FBN2: variants seen among roughly 807,000 people sequenced by gnomAD.
The protein encoded by FBN2 is fibrillin 2.
In FBN2, 105 loss-of-function variants were observed where a neutral mutation model predicts 355.6. The observed-to-expected ratio is 0.30, with a 90% CI of 0.25 to 0.35. FBN2 has a LOEUF of 0.35. FBN2 is among the 10% of genes least tolerant of loss of function. FBN2 has a pLI of 1.00. For synonymous variants in FBN2, 1,350 were observed against 1,301.2 expected, an observed-to-expected ratio of 1.04 and a Z score of -0.81; for missense variants, 3,280 against 3,758.7, an observed-to-expected ratio of 0.87 and a Z score of 3.33.
intron 6 of FBN2, among the ~76,000 whole-genome samples, chr5:128,446,867 G>A (rs1754079355): frequency 6.6e-6 from 1 of 152,142 alleles, no homozygotes; most frequent in Admixed American, 6.5e-5. Flanking sequence ...GGAAGTCAGG[G>A]ACCCCGAACG....
intron 7 of FBN2, among the ~76,000 whole-genome samples, chr5:128,439,481 A>G (rs1229563904): frequency 6.6e-6 from 1 of 152,164 alleles, no homozygotes; most frequent in Non-Finnish European, 1.5e-5. Flanking sequence ...CTCTTATTCT[A>G]AATACACTCT....
intron 48 of FBN2, among the ~76,000 whole-genome samples, chr5:128,299,455 T>C (rs1480436016): frequency 1.4e-5 from 2 of 145,296 alleles, no homozygotes; most frequent in African/African-American, 5.2e-5. Flanking sequence ...CTCAGACTGC[T>C]GTGCTAGCAA....
At position 128,335,944 on chromosome 5, in the gene FBN2, G is replaced by A. The variant is rs1389389240; in HGVS notation, c.3724+44C>T. ...TCAGCGCCAAAAGTTTTCCTAGGCT[G>A]ATTTGAGACATATGAGTTTCAGGCC... On this transcript the variant is annotated intron_variant, in intron 28 of 64. Coordinates refer to ENST00000262464, the MANE Select transcript of FBN2 (RefSeq NM_001999.4). 6 of 1,609,444 alleles carry A rather than the reference G, an allele frequency of 3.7e-6. No individual in the cohort carries two copies. In the African/African-American group the frequency reaches 6.7e-5, roughly 18 times the overall value.
At chr5:128,281,627 T>C (rs551308655) in intron 55 of FBN2, among the ~76,000 whole-genome samples, 3 of 152,326 alleles carry the variant, frequency 2.0e-5, no homozygotes, top group Admixed American at 1.3e-4. Context: ...GGTCCACTTA[T>C]ATTATTTCTT....
intron 47 of FBN2, 130 bp from the exon 48 acceptor site, chr5:128,301,066 A>G: frequency 2.4e-6 from 2 of 821,686 alleles, no homozygotes; most frequent in East Asian, 2.6e-5. Context: ...CCATGAACAA[A>G]TATTACCAAA....
intron 7 of FBN2, among the ~76,000 whole-genome samples, chr5:128,415,774 C>T (rs1408130779): frequency 6.6e-6 from 1 of 152,106 alleles, no homozygotes; most frequent in East Asian, 1.9e-4. Context: ...GAGAAATATC[C>T]ATACTGTTTT....
At chr5:128,536,687 A>C (rs1407034395) in intron 1 of FBN2, among the ~76,000 whole-genome samples, 1 of 152,174 alleles carries the variant, frequency 6.6e-6, no homozygotes, top group Non-Finnish European at 1.5e-5. Flanking sequence ...AGAAATGTCT[A>C]AACACTGCCT....
At chr5:128,291,484 G>C (rs1250551084) in intron 49 of FBN2, 45 bp downstream of exon 49, 1 of 1,608,124 alleles carries the variant, frequency 6.2e-7, no homozygotes, top group African/African-American at 1.3e-5. Flanking sequence ...CAGCTTTAAA[G>C]TTTCTAAGCG....
chr5:128,513,716 G>A (rs1027725962), intron 5 of FBN2, among the ~76,000 whole-genome samples: 5 of 152,190 alleles, frequency 3.3e-5, no homozygotes, highest in African/African-American at 1.2e-4. Flanking sequence ...CCTGATTTAA[G>A]TCCTTCCTTT....
At chr5:128,335,373 T>C in intron 29 of FBN2, 78 bp from the exon 30 acceptor site, 3 of 1,610,880 alleles carry the variant, frequency 1.9e-6, no homozygotes, top group Non-Finnish European at 2.5e-6. Flanking sequence ...TTCTATCTGG[T>C]TCCACTTGGT....
intron 8 of FBN2, among the ~76,000 whole-genome samples, chr5:128,395,679 G>A (rs1056206627): frequency 6.6e-6 from 1 of 152,228 alleles, no homozygotes; most frequent in African/African-American, 2.4e-5. Context: ...GAAGGCAGCT[G>A]ACTAAAATGA....
intron 5 of FBN2, among the ~76,000 whole-genome samples, chr5:128,477,739 G>C (rs942864291): frequency 1.3e-5 from 2 of 152,164 alleles, no homozygotes; most frequent in African/African-American, 4.8e-5. Context: ...AAGTGTATCT[G>C]ACACCAAAAT....
intron 5 of FBN2, among the ~76,000 whole-genome samples, chr5:128,488,723 T>C (rs1755415948): frequency 6.6e-6 from 1 of 151,608 alleles, no homozygotes; most frequent in South Asian, 2.1e-4. Context: ...CATTGTTAAT[T>C]CCCATCTATG....
intron 32 of FBN2, among the ~76,000 whole-genome samples, chr5:128,331,666 A>G (rs1750695894): frequency 6.6e-6 from 1 of 152,192 alleles, no homozygotes; most frequent in Non-Finnish European, 1.5e-5. Flanking sequence ...GGATTCTTTT[A>G]GCATTCAGCA....
chr5:128,259,791 G>C lies in FBN2; in HGVS notation c.8403C>G (p.Ser2801Arg). The C allele has an allele frequency of 6.2e-7, 1 of 1,613,664 alleles. No individual in the cohort carries two copies. Reference protein sequence around the residue: ...QISLESVDMDSPVNMKFNLSH... With the variant: ...QISLESVDMDRPVNMKFNLSH... ...AGAGGTTGAACTTCATGTTGACGGG[G>C]CTGTCCATGTCGACACTCTCTAGGC... The change falls in exon 65 of 65, where the codon AGC (serine) becomes AGG (arginine). Residue 2801 changes from serine to arginine, a missense_variant. By Grantham distance (110) the Ser-to-Arg change is moderately radical (BLOSUM62 -1). Transcript: ENST00000262464.
chr5:128,447,287 C>T (rs566463700), intron 6 of FBN2, among the ~76,000 whole-genome samples: 1 of 152,250 alleles, frequency 6.6e-6, no homozygotes, highest in Admixed American at 6.5e-5. Context: ...CCATATTTCT[C>T]TTCTTTCAAA....
chr5:128,376,187 G>T (rs1409416963), intron 14 of FBN2, among the ~76,000 whole-genome samples: 2 of 152,030 alleles, frequency 1.3e-5, no homozygotes, highest in Non-Finnish European at 2.9e-5. Flanking sequence ...GCTTATTAAG[G>T]TTATCATTAG....
chr5:128,464,911 T>C lies in FBN2; in HGVS notation c.639A>G (p.Thr213=). ...TGPQCERDYR[T]GPCFTQVNNQ... ...TGTTGACCTGAGTGAAACACGGGCC[T>C]GTCCTGTAATCTGGAATGTGGGAGA... is the stretch of plus-strand genomic sequence containing the variant. Residue 213 remains threonine, a synonymous_variant, in exon 6 of 65, where the codon ACA becomes ACG. Transcript: ENST00000262464. 1.2e-6 allele frequency: 2 copies of C among 1,614,218 alleles called. No individual in the cohort carries two copies. The highest frequency in any genetic ancestry group is 1.7e-6 in the Non-Finnish European group (2 of 1,180,008).
At chr5:128,427,568 T>A (rs949559783) in intron 7 of FBN2, among the ~76,000 whole-genome samples, 3 of 152,204 alleles carry the variant, frequency 2.0e-5, no homozygotes, top group Admixed American at 2.0e-4. Context: ...TCTTTTCTGC[T>A]GATTTCAATT....
Sources: allele counts gnomAD v4.1 joint callset (sites outside exome capture counted in the v4.1 genomes callset), GRCh38; gene constraint gnomAD v4.1.1; transcripts MANE v1.5; gene names NCBI Gene and HGNC (gene_info 2026-07-23, HGNC 2026-07-21).